CDC42EP4: variants seen among roughly 807,000 people sequenced by gnomAD.
CDC42EP4 encodes the protein CDC42 effector protein 4, also known as CDC42 effector protein (Rho GTPase binding) 4.
Under a neutral mutation model 5.6 loss-of-function variants are expected in CDC42EP4, and 6 were observed. The observed-to-expected ratio is 1.07, with a 90% CI of 0.59 to 2.12. The LOEUF is 2.12. Ranked by LOEUF, CDC42EP4 falls within the 30% of genes most tolerant of loss-of-function variation. The probability of loss-of-function intolerance (pLI) is 0.00; values close to 1 mark genes in which losing one functional copy is unlikely to be tolerated. For missense variants in CDC42EP4, 490 were observed against 508.6 expected (o/e 0.96, Z 0.35); for synonymous variants, 230 against 224.2 (o/e 1.03, Z -0.23).
chr17:73,308,082 G>C (rs1392008586), intron 1 of CDC42EP4, among the ~76,000 whole-genome samples: 5 of 152,138 alleles, frequency 3.3e-5, no homozygotes, highest in Non-Finnish European at 7.3e-5. Context: ...CAAGCAAAAA[G>C]GGCTGTGTCC....
chr17:73,286,673 T>G lies in CDC42EP4; in HGVS notation c.-112-61A>C, dbSNP rs1487072048. On this transcript the variant is annotated intron_variant, in intron 1 of 1. Coordinates refer to ENST00000335793, the MANE Select transcript of CDC42EP4 (RefSeq NM_012121.5). The surrounding 1 kb of genome is among the most constrained non-coding windows in gnomAD (Gnocchi z 7.7). ...GGGCTGGCCACACGGCACAAAAGCC[T>G]CTTTGCCAGGGGACTGTCATTTAAA... is the stretch of plus-strand genomic sequence containing the variant. The G allele has an allele frequency of 1.7e-6, 1 of 591,992 alleles. No individual in the cohort carries two copies. The highest frequency in any genetic ancestry group is 3.0e-6 in the Non-Finnish European group (1 of 335,302). 36.7% of individuals were successfully genotyped at this position (591,992 alleles called of 1,614,324 possible).
At chr17:73,295,354 C>A (rs2062179307) in intron 1 of CDC42EP4, among the ~76,000 whole-genome samples, 1 of 152,142 alleles carries the variant, frequency 6.6e-6, no homozygotes, top group Non-Finnish European at 1.5e-5. Flanking sequence ...CAGATAACAC[C>A]TCAATGGGCT....
chr17:73,285,610 G>T lies in CDC42EP4; in HGVS notation c.891C>A (p.Arg297=), dbSNP rs1376077494. ...AAAAPSPGSA[R]SMGSHTTRDS... is the part of the protein sequence containing the mutation. ...CCCGTGTGGTGTGGCTGCCCATGCT[G>T]CGGGCTGAGCCGGGGCTGGGGGCCG... Residue 297 remains arginine (R), a synonymous_variant, in exon 2 of 2, where the codon CGC becomes CGA. Transcript: ENST00000335793. This position sits in a 1 kb window ranked among gnomAD's most constrained non-coding sequence, Gnocchi z 6.8. 6.2e-7 allele frequency: 1 copy of T among 1,607,476 alleles called. No individual in the cohort carries two copies. Among genetic ancestry groups the T allele is most frequent in the African/African-American group, 1.3e-5 (1 of 74,850 alleles).
Position 73,288,536 on chromosome 17 carries a change from G to A in CDC42EP4, c.-112-1924C>T, listed in dbSNP as rs183372672. On this transcript the variant is annotated intron_variant, in intron 1 of 1. Transcript: ENST00000335793. ...GGCCTCCCAGTGCTGGGATCAGGAC[G>A]TGGGATCAGCGTGAGCCACCGCGCC... 2.3e-3 allele frequency among the ~76,000 whole-genome samples: 345 copies of A among 152,056 alleles called. 3 individuals carry two copies. The South Asian group carries it at 0.028, about 12-fold the overall frequency.
In CDC42EP4 at chr17:73,284,386, T is replaced by G. The variant is rs2062118162; in HGVS notation, c.*1044A>C. The G allele has an allele frequency of 6.6e-6, 1 of 152,170 alleles. No individual in the cohort carries two copies. Among genetic ancestry groups the G allele is most frequent in the South Asian group, 2.1e-4 (1 of 4,828 alleles). The allele number at this position is 152,170 out of a possible 1,614,324, so 9.4% of individuals were successfully genotyped here. A position where few individuals can be genotyped will look rare whatever the true frequency, so the allele number is the denominator to read the frequency against. ...AAAAAATCGTTCTCCAAAAATATTC[T>G]GCACTGGCCTTCCTCAGTTGTTAAT... On this transcript the variant is annotated 3_prime_UTR_variant, in exon 2 of 2. Coordinates refer to ENST00000335793, the MANE Select transcript of CDC42EP4 (RefSeq NM_012121.5).
chr17:73,297,001 A>AAAAAAC lies in CDC42EP4; in HGVS notation c.-112-10390_-112-10389insGTTTTT, dbSNP rs547362762. ...GTCTCAAAAAAAAAAAAAAAAAAAAAAAATACACAAGGCCAAGCGCCGTGG... is the reference window on the plus strand; with the variant it reads ...GTCTCAAAAAAAAAAAAAAAAAAAAAAAAAACAAATACACAAGGCCAAGCGCCGTGG... On this transcript the variant is annotated intron_variant, in intron 1 of 1. Transcript: ENST00000335793. Among the ~76,000 whole-genome samples, 71 of 61,744 alleles carry AAAAAAC rather than the reference A, an allele frequency of 1.1e-3. 2 individuals carry two copies. The highest frequency in any genetic ancestry group is 2.0e-3 in the African/African-American group (37 of 18,748). 40.5% of individuals were successfully genotyped at this position (61,744 alleles called of 152,430 possible). A position where few individuals can be genotyped will look rare whatever the true frequency, so the allele number is the denominator to read the frequency against.
At chr17:73,308,575 G>A (rs560878732) in intron 1 of CDC42EP4, among the ~76,000 whole-genome samples, 5 of 152,326 alleles carry the variant, frequency 3.3e-5, no homozygotes, top group African/African-American at 9.6e-5. Flanking sequence ...GTAGGGGCGT[G>A]GGGTGGGGGA....
At chr17:73,291,745 A>G (rs995045872) in intron 1 of CDC42EP4, among the ~76,000 whole-genome samples, 1 of 152,122 alleles carries the variant, frequency 6.6e-6, no homozygotes, top group Non-Finnish European at 1.5e-5. Flanking sequence ...GGAGAGGGAA[A>G]ATGGATCACA....
chr17:73,301,710 C>CAT (rs2062220097), intron 1 of CDC42EP4, among the ~76,000 whole-genome samples: 1 of 131,396 alleles, frequency 7.6e-6, no homozygotes, highest in Non-Finnish European at 1.6e-5. Context: ...CCATGCCCAG[C>CAT]TTTTTTTTTT....
chr17:73,303,662 C>CAAAAAAAATAAAAA (rs2062230843), intron 1 of CDC42EP4, among the ~76,000 whole-genome samples: 1 of 83,932 alleles, frequency 1.2e-5, no homozygotes. Flanking sequence ...ACTCTGTCTC[C>CAAAAAAAATAAAAA]AAAAAAAAAA....
intron 1 of CDC42EP4, among the ~76,000 whole-genome samples, chr17:73,305,782 C>T (rs955949506): frequency 1.1e-4 from 17 of 152,218 alleles, no homozygotes; most frequent in Admixed American, 1.3e-4. Flanking sequence ...ACTGTCACTT[C>T]GCAAACTTCA....
rs547362762 is a variant in CDC42EP4 at position 73,297,001 on chromosome 17, A to AAAAAAAAAAAAAAAAAAAAAAAAAC, written c.-112-10390_-112-10389insGTTTTTTTTTTTTTTTTTTTTTTTT. The stretch of plus-strand genomic sequence containing the variant: ...GTCTCAAAAAAAAAAAAAAAAAAAA[A>AAAAAAAAAAAAAAAAAAAAAAAAAC]AAATACACAAGGCCAAGCGCCGTGG... On this transcript the variant is annotated intron_variant, in intron 1 of 1. Transcript: ENST00000335793. 6.5e-5 allele frequency among the ~76,000 whole-genome samples: 4 copies of AAAAAAAAAAAAAAAAAAAAAAAAAC among 61,774 alleles called. 1 individual carries two copies. The highest frequency in any genetic ancestry group is 1.1e-4 in the African/African-American group (2 of 18,772). The allele number at this position is 61,774 out of a possible 152,430, so 40.5% of individuals were successfully genotyped here.
At chr17:73,290,947 A>T (rs1037744780) in intron 1 of CDC42EP4, among the ~76,000 whole-genome samples, 1 of 152,180 alleles carries the variant, frequency 6.6e-6, no homozygotes, top group African/African-American at 2.4e-5. Context: ...GGGACCAAAT[A>T]TCCTGGCCAT....
intron 1 of CDC42EP4, among the ~76,000 whole-genome samples, chr17:73,303,525 G>A (rs2145325406): frequency 6.6e-6 from 1 of 152,114 alleles, no homozygotes; most frequent in Non-Finnish European, 1.5e-5. Context: ...AGCCTGGCGT[G>A]GTGGTGGGTA....
At chr17:73,291,826 C>T (rs1041827121) in intron 1 of CDC42EP4, among the ~76,000 whole-genome samples, 14 of 152,172 alleles carry the variant, frequency 9.2e-5, no homozygotes, top group Middle Eastern at 3.2e-3. Flanking sequence ...CCACTGACCA[C>T]GGAACCTTCC....
At chr17:73,300,973 G>A (rs903142219) in intron 1 of CDC42EP4, among the ~76,000 whole-genome samples, 1 of 151,664 alleles carries the variant, frequency 6.6e-6, no homozygotes, top group South Asian at 2.1e-4. Flanking sequence ...TTCAACCCGG[G>A]AGGCAGAGTT....
At chr17:73,309,846 C>A (rs2062264410) in intron 1 of CDC42EP4, 1 of 152,364 alleles carries the variant, frequency 6.6e-6, no homozygotes, top group African/African-American at 2.4e-5. Context: ...GGGATCTCCC[C>A]AAATTCACTG....
chr17:73,285,768 C>T lies in CDC42EP4; in HGVS notation c.733G>A (p.Ala245Thr), dbSNP rs377464814. ...GEGGYHGDEGAAGTITQAPPY... is the reference protein window; with the variant it reads ...GEGGYHGDEGTAGTITQAPPY... ...GGAGCCTGGGTGATGGTGCCAGCGG[C>T]GCCCTCATCGCCATGGTAACCACCC... is the stretch of plus-strand genomic sequence containing the variant. The change falls in exon 2 of 2, where the codon GCC becomes ACC. Residue 245 changes from alanine to threonine, a missense_variant. Coordinates refer to ENST00000335793, the MANE Select transcript of CDC42EP4 (RefSeq NM_012121.5). The surrounding 1 kb of genome is among the most constrained non-coding windows in gnomAD (Gnocchi z 6.8). The T allele has an allele frequency of 4.6e-5, 74 of 1,597,660 alleles. No homozygotes were observed. In the East Asian group the frequency reaches 5.6e-4, roughly 12 times the overall value.
chr17:73,295,038 C>T (rs1599433804), intron 1 of CDC42EP4, among the ~76,000 whole-genome samples: 1 of 152,100 alleles, frequency 6.6e-6, no homozygotes, highest in East Asian at 1.9e-4. Flanking sequence ...TCTCAAACTC[C>T]TGACCTCAGG....
Sources: allele counts gnomAD v4.1 joint callset (sites outside exome capture counted in the v4.1 genomes callset), GRCh38; gene constraint gnomAD v4.1.1; non-coding constraint Gnocchi (gnomAD v3.1); transcripts MANE v1.5; gene names NCBI Gene and HGNC (gene_info 2026-07-23, HGNC 2026-07-21).